AP1G1: variants seen among roughly 807,000 people sequenced by gnomAD.
AP1G1 encodes AP-1 complex subunit gamma-1.
In AP1G1, 7 loss-of-function variants were observed where a neutral mutation model predicts 108.3. The observed-to-expected ratio is 0.06, with a 90% CI of 0.04 to 0.12. The LOEUF (loss-of-function observed/expected upper bound fraction) is 0.12, where lower values mean the gene tolerates loss of function less well. AP1G1 is among the 10% of genes least tolerant of loss of function. The pLI is 1.00. For synonymous variants in AP1G1, 379 were observed against 353.5 expected, an observed-to-expected ratio of 1.07 and a Z score of -0.81; for missense variants, 756 against 1,010.7, an observed-to-expected ratio of 0.75 and a Z score of 3.42.
At chr16:71,791,120 C>T (rs543281265) in intron 1 of AP1G1, among the ~76,000 whole-genome samples, 11 of 151,694 alleles carry the variant, frequency 7.3e-5, no homozygotes, top group African/African-American at 2.2e-4. Context: ...ACTTGGGATA[C>T]TGAGGGAGGA....
At chr16:71,808,139 C>T (rs2033060754) in intron 1 of AP1G1, 1 of 1,149,976 alleles carries the variant, frequency 8.7e-7, no homozygotes, top group East Asian at 6.4e-5. Flanking sequence ...CTGACGTCCG[C>T]AGGGCCAGGA....
chr16:71,745,664 T>TA lies in AP1G1; in HGVS notation c.1731-51dup, dbSNP rs765349166. 6.6e-6 allele frequency: 10 copies of TA among 1,504,474 alleles called. No homozygotes were observed. In the South Asian group the frequency reaches 1.1e-4, roughly 17 times the overall value. 93.2% of individuals were successfully genotyped at this position (1,504,474 alleles called of 1,614,324 possible). On this transcript the variant is annotated intron_variant, in intron 17 of 22. Coordinates refer to ENST00000299980, the MANE Select transcript of AP1G1 (RefSeq NM_001128.6). Reference sequence around the variant, plus strand: ...TTCTAGGCAGTTAACCTAGATTCCCTACCCAAAATAATCACCATTAACTAT... The same window carrying TA: ...TTCTAGGCAGTTAACCTAGATTCCCTAACCCAAAATAATCACCATTAACTAT...
At chr16:71,762,846 T>C (rs2031152670) in intron 9 of AP1G1, among the ~76,000 whole-genome samples, 1 of 151,350 alleles carries the variant, frequency 6.6e-6, no homozygotes, top group Non-Finnish European at 1.5e-5. Context: ...GAACCCTGAC[T>C]TACAACTGGT....
chr16:71,797,049 T>C (rs964215833), intron 1 of AP1G1, among the ~76,000 whole-genome samples: 2 of 151,026 alleles, frequency 1.3e-5, no homozygotes, highest in African/African-American at 2.4e-5. Flanking sequence ...TGTATATGTA[T>C]ATAAGCATGA....
intron 21 of AP1G1, among the ~76,000 whole-genome samples, chr16:71,735,985 G>T (rs1329534586): frequency 6.7e-6 from 1 of 150,136 alleles, no homozygotes; most frequent in Non-Finnish European, 1.5e-5. Context: ...ACAAAAATTA[G>T]CTGGGTATGG....
intron 19 of AP1G1, among the ~76,000 whole-genome samples, chr16:71,740,759 A>G (rs1370374394): frequency 6.6e-6 from 1 of 152,254 alleles, no homozygotes; most frequent in South Asian, 2.1e-4. Context: ...GCAAACACCA[A>G]TGTTAAACAC....
chr16:71,759,831 C>A (rs571673089), intron 10 of AP1G1, among the ~76,000 whole-genome samples: 2 of 151,720 alleles, frequency 1.3e-5, no homozygotes, highest in Non-Finnish European at 2.9e-5. Context: ...TGACTCAATT[C>A]TTTAAAAGTT....
chr16:71,795,963 G>A (rs975888594), intron 1 of AP1G1, among the ~76,000 whole-genome samples: 17 of 152,216 alleles, frequency 1.1e-4, no homozygotes, highest in African/African-American at 3.9e-4. Context: ...TAGGCCAGGC[G>A]TGGTGGCTCA....
intron 1 of AP1G1, among the ~76,000 whole-genome samples, chr16:71,805,481 T>C (rs774737668): frequency 4.0e-5 from 6 of 151,818 alleles, no homozygotes; most frequent in Non-Finnish European, 7.4e-5. Context: ...CTGAAAACAA[T>C]TCATAAAGCA....
At chr16:71,805,738 TAA>T (rs2142292130) in intron 1 of AP1G1, among the ~76,000 whole-genome samples, 1 of 152,296 alleles carries the variant, frequency 6.6e-6, no homozygotes, top group South Asian at 2.1e-4. Flanking sequence ...TAAATTTGTA[TAA>T]ATTAAAAGTT....
intron 9 of AP1G1, 79 bp from the exon 10 acceptor site, chr16:71,761,646 T>A: frequency 9.6e-7 from 1 of 1,046,532 alleles, no homozygotes; most frequent in South Asian, 1.4e-5. Flanking sequence ...GATCACTTCA[T>A]GACCTCTGGT....
rs781693456 is a variant in AP1G1 at position 71,733,139 on chromosome 16, G to A, written c.2388C>T (p.Ile796=). The part of the protein sequence containing the change: ...NPQKQQLRMR[I]KLTYNHKGSA... ...AGCCCTTGTGATTATATGTAAGCTT[G>A]ATCCGCATTCGCAGCTGTTGCTATA... The change falls in exon 23 of 23, where the codon ATC becomes ATT. Residue 796 remains isoleucine, a synonymous_variant. Coordinates refer to ENST00000299980, the MANE Select transcript of AP1G1 (RefSeq NM_001128.6). 23 of 1,613,912 alleles carry A rather than the reference G, an allele frequency of 1.4e-5. No homozygotes were observed. Among genetic ancestry groups the A allele is most frequent in the Non-Finnish European group, 1.9e-5 (23 of 1,179,952 alleles).
chr16:71,756,222 A>C (rs1352820574), intron 11 of AP1G1, 63 bp from the exon 12 acceptor site: 2 of 1,490,988 alleles, frequency 1.3e-6, no homozygotes, highest in South Asian at 1.3e-5. Context: ...ACAAAGACCC[A>C]GGTATGCACT....
At chr16:71,765,354 T>C in intron 7 of AP1G1, 135 bp downstream of exon 7, 1 of 592,836 alleles carries the variant, frequency 1.7e-6, no homozygotes, top group Non-Finnish European at 3.0e-6. Flanking sequence ...TATAGAATTG[T>C]GTCACTATTC....
At chr16:71,807,851 T>A in intron 1 of AP1G1, 1 of 1,288,732 alleles carries the variant, frequency 7.8e-7, no homozygotes, top group Non-Finnish European at 1.0e-6. Flanking sequence ...CAGGGATATA[T>A]AATAGGGGAG....
intron 21 of AP1G1, 53 bp from the exon 22 acceptor site, chr16:71,734,760 C>G: frequency 1.4e-6 from 2 of 1,446,266 alleles, no homozygotes; most frequent in Non-Finnish European, 1.9e-6. Context: ...AACGCTAGGT[C>G]AGAGATACCA....
intron 1 of AP1G1, chr16:71,807,911 C>G: frequency 7.8e-7 from 1 of 1,283,164 alleles, no homozygotes; most frequent in Non-Finnish European, 1.0e-6. Context: ...GCTAAGTATT[C>G]AGCACAGGGA....
intron 16 of AP1G1, 79 bp from the exon 17 acceptor site, chr16:71,746,771 G>T: frequency 9.6e-7 from 1 of 1,043,604 alleles, no homozygotes. Flanking sequence ...TAATAAGCCA[G>T]AATTTTCTGG....
intron 12 of AP1G1, among the ~76,000 whole-genome samples, chr16:71,754,340 AAAAGAAAG>A (rs139492288): frequency 1.5e-4 from 22 of 151,202 alleles, no homozygotes; most frequent in African/African-American, 4.4e-4. Flanking sequence ...AAAAGAAAGA[AAAAGAAAG>A]AAAGAAAGAA....
Sources: gnomAD v4.1 joint callset for allele counts (sites outside exome capture counted in the v4.1 genomes callset) on GRCh38, gnomAD v4.1.1 for gene constraint, MANE v1.5 for transcripts, NCBI Gene and HGNC (gene_info 2026-07-23, HGNC 2026-07-21) for gene names.